Variants in VPS45 observed in about 807,000 individuals in gnomAD.
The protein encoded by VPS45 is vacuolar protein sorting 45 homolog, also known as vacuolar protein sorting-associated protein 45.
In VPS45, 35 loss-of-function variants were observed where a neutral mutation model predicts 75.9. The observed-to-expected ratio is 0.46, with a 90% confidence interval of 0.35 to 0.61. The LOEUF is 0.61. Ranked by LOEUF, VPS45 falls within the 20% of genes least tolerant of loss-of-function variation. The probability of loss-of-function intolerance (pLI) is 0.00; values close to 1 mark genes in which losing one functional copy is unlikely to be tolerated. For synonymous variants in VPS45, 220 were observed against 238.2 expected (o/e 0.92, Z 0.70); for missense variants, 559 against 685.9 (o/e 0.81, Z 2.07).
intron 14 of VPS45, among the ~76,000 whole-genome samples, chr1:150,126,083 C>T (rs1393402813): frequency 1.3e-5 from 2 of 151,786 alleles, no homozygotes; most frequent in Non-Finnish European, 2.9e-5. Flanking sequence ...TTAAGATAAA[C>T]GTATAGTGAG....
At chr1:150,092,495 T>C in intron 12 of VPS45, 86 bp downstream of exon 12, 6 of 1,083,096 alleles carry the variant, frequency 5.5e-6, no homozygotes, top group Non-Finnish European at 6.7e-6. Context: ...CTTCAAAGTA[T>C]CTTGAAGATT....
intron 13 of VPS45, among the ~76,000 whole-genome samples, chr1:150,102,547 C>CAAAAA (rs782571283): frequency 1.1e-4 from 16 of 143,084 alleles, no homozygotes; most frequent in African/African-American, 3.9e-4. Context: ...AACTCTGTCT[C>CAAAAA]AAAAAAAAAA....
chr1:150,087,401 C>T (rs1320692734), intron 10 of VPS45, among the ~76,000 whole-genome samples: 1 of 152,090 alleles, frequency 6.6e-6, no homozygotes, highest in Non-Finnish European at 1.5e-5. Flanking sequence ...TTCTAATAGT[C>T]ACAAGGCTGA....
intron 1 of VPS45, chr1:150,068,282 A>C (rs1446184828): frequency 1.9e-5 from 7 of 367,684 alleles, no homozygotes; most frequent in Non-Finnish European, 3.4e-5. Context: ...GTGTTTTTAA[A>C]GTAAAGCTGT....
chr1:150,079,178 T>A (rs1183374570), intron 7 of VPS45, among the ~76,000 whole-genome samples: 1 of 151,586 alleles, frequency 6.6e-6, no homozygotes, highest in Non-Finnish European at 1.5e-5. Flanking sequence ...TCTCGAAGCC[T>A]GTATTCTTTC....
At chr1:150,139,599 G>A (rs1181380995) in intron 14 of VPS45, among the ~76,000 whole-genome samples, 1 of 152,100 alleles carries the variant, frequency 6.6e-6, no homozygotes, top group Non-Finnish European at 1.5e-5. Context: ...CCATGCTGGG[G>A]TGCAATGGGA....
intron 14 of VPS45, among the ~76,000 whole-genome samples, chr1:150,137,008 C>G (rs1405193137): frequency 6.6e-6 from 1 of 152,196 alleles, no homozygotes. Flanking sequence ...AAGCGATTCT[C>G]CAGCCTGAGC....
At chr1:150,142,655 A>G (rs1659448740) in intron 14 of VPS45, among the ~76,000 whole-genome samples, 1 of 152,068 alleles carries the variant, frequency 6.6e-6, no homozygotes, top group African/African-American at 2.4e-5. Flanking sequence ...CATCCAAATA[A>G]CTTGTTGTTG....
chr1:150,102,547 CA>C, intron 13 of VPS45, among the ~76,000 whole-genome samples: 1 of 143,062 alleles, frequency 7.0e-6, no homozygotes, highest in South Asian at 2.2e-4. Context: ...AACTCTGTCT[CA>C]AAAAAAAAAA....
At chr1:150,124,251 G>T (rs1313650317) in intron 14 of VPS45, among the ~76,000 whole-genome samples, 1 of 152,074 alleles carries the variant, frequency 6.6e-6, no homozygotes, top group Non-Finnish European at 1.5e-5. Context: ...ACGAGGTCTG[G>T]AGTTCAAGAC....
intron 14 of VPS45, among the ~76,000 whole-genome samples, chr1:150,130,343 C>T (rs1361116988): frequency 6.6e-6 from 1 of 151,698 alleles, no homozygotes; most frequent in Non-Finnish European, 1.5e-5. Flanking sequence ...TGTGTACCAC[C>T]ATGCCCAACT....
chr1:150,092,765 C>T lies in VPS45; in HGVS notation c.1371+356C>T, dbSNP rs587669326. On this transcript the variant is annotated intron_variant, in intron 12 of 14. Coordinates refer to ENST00000644510, the MANE Select transcript of VPS45 (RefSeq NM_007259.5). ...TGAAGGAAATTAAAGATGAAGCAAACTTTTGATCTTTTAAAAATACTAACC... is the reference window on the plus strand; with the variant it reads ...TGAAGGAAATTAAAGATGAAGCAAATTTTTGATCTTTTAAAAATACTAACC... 2.0e-5 allele frequency among the ~76,000 whole-genome samples: 3 copies of T among 148,354 alleles called. No homozygotes were observed. In the East Asian group the frequency reaches 6.0e-4, roughly 30 times the overall value.
At chr1:150,123,849 T>C (rs1467368785) in intron 14 of VPS45, among the ~76,000 whole-genome samples, 1 of 152,226 alleles carries the variant, frequency 6.6e-6, no homozygotes, top group Non-Finnish European at 1.5e-5. Context: ...GCTTGAACAC[T>C]ATGTGAACTT....
At chr1:150,137,915 C>CAAAAAAAAAAA in intron 14 of VPS45, among the ~76,000 whole-genome samples, 1 of 92,450 alleles carries the variant, frequency 1.1e-5, no homozygotes, top group Non-Finnish European at 1.9e-5. Flanking sequence ...ACTCCGTCTC[C>CAAAAAAAAAAA]AAAAAAAAAA....
In VPS45 at chr1:150,076,273, GGCTGAA is replaced by G; in HGVS notation, c.336_341del (p.Glu112_Ala113del). On this transcript the variant is annotated inframe_deletion, in exon 4 of 15. Coordinates refer to ENST00000644510, the MANE Select transcript of VPS45 (RefSeq NM_007259.5). ...TCAGCAAGAGTGACGTGAAGTCATT[GGCTGAA>G]GCTGATGAACAGGAAGTTGTGGCTG... The G allele has an allele frequency of 6.2e-7, 1 of 1,608,398 alleles. No individual in the cohort carries two copies.
chr1:150,129,850 G>A, intron 14 of VPS45, among the ~76,000 whole-genome samples: 1 of 73,194 alleles, frequency 1.4e-5, no homozygotes, highest in Non-Finnish European at 2.4e-5. Flanking sequence ...ACCACGCCTG[G>A]CCAATTTTTT....
At chr1:150,106,186 C>A (rs1398402040) in intron 13 of VPS45, among the ~76,000 whole-genome samples, 2 of 152,162 alleles carry the variant, frequency 1.3e-5, no homozygotes, top group East Asian at 3.8e-4. Context: ...CTCTTCTGGA[C>A]ATTGGCCTAG....
intron 14 of VPS45, among the ~76,000 whole-genome samples, chr1:150,120,396 G>A (rs1658174379): frequency 6.6e-6 from 1 of 152,078 alleles, no homozygotes; most frequent in African/African-American, 2.4e-5. Flanking sequence ...AAATAAAGAA[G>A]AGAAAGCAAT....
At chr1:150,123,800 G>T (rs1006831384) in intron 14 of VPS45, among the ~76,000 whole-genome samples, 2 of 152,104 alleles carry the variant, frequency 1.3e-5, no homozygotes, top group South Asian at 4.1e-4. Context: ...AGGGAAAAAG[G>T]GTGGCTAGGT....
Sources: allele counts gnomAD v4.1 joint callset (sites outside exome capture counted in the v4.1 genomes callset), GRCh38; gene constraint gnomAD v4.1.1; transcripts MANE v1.5; gene names NCBI Gene and HGNC (gene_info 2026-07-23, HGNC 2026-07-21).